Variants in GRM7 observed in about 807,000 individuals in gnomAD.
GRM7 encodes glutamate metabotropic receptor 7, also known as metabotropic glutamate receptor 7.
GRM7 carries 35 observed loss-of-function variants against 84.5 expected under a neutral mutation model. That is an observed-to-expected ratio of 0.41 (90% CI 0.32 to 0.55). The LOEUF (loss-of-function observed/expected upper bound fraction) is 0.55. Among genes scored for constraint, GRM7 ranks in the 20% least tolerant of loss-of-function variants. The pLI is 0.19. For missense variants in GRM7, 1,003 were observed against 1,194.6 expected, an observed-to-expected ratio of 0.84 and a Z score of 2.36; for synonymous variants, 487 against 455.1, an observed-to-expected ratio of 1.07 and a Z score of -0.89.
At chr3:7,570,134 T>C (rs1694572007) in intron 7 of GRM7, among the ~76,000 whole-genome samples, 1 of 152,162 alleles carries the variant, frequency 6.6e-6, no homozygotes, top group African/African-American at 2.4e-5. Context: ...ATGGAAATTG[T>C]GGGGTTTACA....
chr3:6,863,564 A>AT lies in GRM7; in HGVS notation c.519+1657_519+1658insT, dbSNP rs1487737345. 6.6e-6 allele frequency among the ~76,000 whole-genome samples: 1 copy of AT among 152,056 alleles called. No homozygotes were observed. Among genetic ancestry groups the AT allele is most frequent in the Non-Finnish European group, 1.5e-5 (1 of 68,008 alleles). ...AATCCTGGCAGGTCTGCAAACCCAA[A>AT]AGTGCTTCGGGGCTAGCCATCACTC... On this transcript the variant is annotated intron_variant, in intron 1 of 9. Transcript: ENST00000357716. This position sits in a 1 kb window ranked among gnomAD's most constrained non-coding sequence, Gnocchi z 4.8.
intron 1 of GRM7, among the ~76,000 whole-genome samples, chr3:6,934,031 A>G (rs891213981): frequency 1.3e-5 from 2 of 152,202 alleles, no homozygotes; most frequent in African/African-American, 4.8e-5. Flanking sequence ...GACAGTTCCA[A>G]TGTGTGACTG....
At chr3:6,875,953 G>A (rs927219507) in intron 1 of GRM7, among the ~76,000 whole-genome samples, 1 of 152,064 alleles carries the variant, frequency 6.6e-6, no homozygotes, top group Admixed American at 6.6e-5. Context: ...TTGATGGGAA[G>A]CTGGTAGGTT....
intron 4 of GRM7, among the ~76,000 whole-genome samples, chr3:7,370,421 CAT>C (rs1469872809): frequency 6.6e-6 from 1 of 152,118 alleles, no homozygotes; most frequent in Non-Finnish European, 1.5e-5. Context: ...ATAATTCCCA[CAT>C]GTTGTGTGAG....
chr3:7,015,819 G>A (rs1287473297), intron 1 of GRM7, among the ~76,000 whole-genome samples: 2 of 152,184 alleles, frequency 1.3e-5, no homozygotes, highest in African/African-American at 4.8e-5. Flanking sequence ...AGTGATGTAA[G>A]AGAGAGCAAG....
rs1553574704 is a variant in GRM7 at position 6,863,134 on chromosome 3, T to TTC, written c.519+1233_519+1234dup. On this transcript the variant is annotated intron_variant, in intron 1 of 9. Transcript: ENST00000357716. The surrounding 1 kb of genome is among the most constrained non-coding windows in gnomAD (Gnocchi z 4.8). ...TCTCTGTCTCCTTGCTGTTTTTTTT[T>TTC]TCTCTCTGTTTTTTCTCTCCTTTTC... is the stretch of plus-strand genomic sequence containing the variant. 4 of 332,910 alleles carry TTC rather than the reference T, an allele frequency of 1.2e-5. No individual in the cohort carries two copies. The highest frequency in any genetic ancestry group is 2.4e-5 in the Non-Finnish European group (4 of 169,378). The allele number at this position is 332,910 out of a possible 1,614,324, so 20.6% of individuals were successfully genotyped here.
chr3:7,032,032 G>T (rs189420652), intron 1 of GRM7, among the ~76,000 whole-genome samples: 2 of 152,276 alleles, frequency 1.3e-5, no homozygotes, highest in East Asian at 1.9e-4. Flanking sequence ...TCCAACGGAA[G>T]GATTTGTAGA....
At chr3:7,447,789 T>C (rs1006247876) in intron 5 of GRM7, among the ~76,000 whole-genome samples, 1 of 151,936 alleles carries the variant, frequency 6.6e-6, no homozygotes, top group Non-Finnish European at 1.5e-5. Flanking sequence ...AGGGTACATG[T>C]GCATAATGTG....
intron 8 of GRM7, chr3:7,591,496 G>A (rs115544063): frequency 9.0e-6 from 4 of 442,340 alleles, no homozygotes; most frequent in African/African-American, 8.1e-5. Context: ...TTTAGAATAT[G>A]AATAACTTTT....
At chr3:7,600,604 C>T (rs947338640) in intron 8 of GRM7, among the ~76,000 whole-genome samples, 1 of 152,120 alleles carries the variant, frequency 6.6e-6, no homozygotes, top group Non-Finnish European at 1.5e-5. Context: ...TGTTCTTCTC[C>T]TCCTCTCTGG....
intron 8 of GRM7, among the ~76,000 whole-genome samples, chr3:7,615,316 T>C (rs555846544): frequency 6.6e-6 from 1 of 152,248 alleles, no homozygotes; most frequent in African/African-American, 2.4e-5. Context: ...CCATTCCCAC[T>C]TTCAGTTTCT....
chr3:7,211,943 T>A (rs1017016571), intron 2 of GRM7, among the ~76,000 whole-genome samples: 3 of 151,654 alleles, frequency 2.0e-5, no homozygotes, highest in African/African-American at 7.3e-5. Context: ...CGTTTTTGTC[T>A]GGCACCTTTT....
intron 2 of GRM7, among the ~76,000 whole-genome samples, chr3:7,166,020 T>G (rs755037003): frequency 5.3e-5 from 8 of 152,214 alleles, no homozygotes; most frequent in Non-Finnish European, 1.0e-4. Context: ...CTTTTCTTTA[T>G]CTTACTATTA....
At chr3:6,876,931 C>T (rs1018299818) in intron 1 of GRM7, among the ~76,000 whole-genome samples, 9 of 152,076 alleles carry the variant, frequency 5.9e-5, no homozygotes, top group East Asian at 1.9e-4. Context: ...TGTAACCCTA[C>T]GAAGGTGACA....
intron 1 of GRM7, among the ~76,000 whole-genome samples, chr3:7,092,793 G>T (rs1472430332): frequency 2.6e-5 from 4 of 152,226 alleles, no homozygotes; most frequent in African/African-American, 9.6e-5. Context: ...AGACTTCAGA[G>T]AAATTACTGA....
chr3:7,161,351 G>A (rs1412383467), intron 2 of GRM7, among the ~76,000 whole-genome samples: 1 of 151,636 alleles, frequency 6.6e-6, no homozygotes, highest in African/African-American at 2.4e-5. Context: ...TTTGTGGCAT[G>A]GGTCAAATCG....
rs190437316 is a variant in GRM7, at chr3:6,953,951, T to A, written c.519+92044T>A. 2.8e-4 allele frequency among the ~76,000 whole-genome samples: 43 copies of A among 152,314 alleles called. No homozygotes were observed. The East Asian group carries it at 7.9e-3, about 28-fold the overall frequency. On this transcript the variant is annotated intron_variant, in intron 1 of 9. Transcript: ENST00000357716. Reference sequence around the variant, plus strand: ...AAGCAATTCATAATCAAAGCTCTTGTAATTATTAGTTAATGGTAGGATTTT... The same window carrying A: ...AAGCAATTCATAATCAAAGCTCTTGAAATTATTAGTTAATGGTAGGATTTT...
intron 2 of GRM7, among the ~76,000 whole-genome samples, chr3:7,162,468 A>G (rs1421443475): frequency 6.6e-6 from 1 of 152,158 alleles, no homozygotes; most frequent in East Asian, 1.9e-4. Context: ...AGAACTAATT[A>G]TTGAGCTTTG....
rs191493972 is a variant in GRM7, at chr3:7,601,794, C to G, written c.2451+22437C>G. Among the ~76,000 whole-genome samples, 19 of 152,038 alleles carry G rather than the reference C, an allele frequency of 1.2e-4. No homozygotes were observed. The East Asian group carries it at 3.3e-3, about 26-fold the overall frequency. On this transcript the variant is annotated intron_variant, in intron 8 of 9. Coordinates refer to ENST00000357716, the MANE Select transcript of GRM7 (RefSeq NM_000844.4). ...GTTTTGGTCTGATAGGAAAGAGAGA[C>G]CCTAACTCTCAAGCATGGGGAAATA...
Sources: gnomAD v4.1 joint callset for allele counts (sites outside exome capture counted in the v4.1 genomes callset) on GRCh38, gnomAD v4.1.1 for gene constraint, Gnocchi (gnomAD v3.1) non-coding constraint, MANE v1.5 for transcripts, NCBI Gene and HGNC (gene_info 2026-07-23, HGNC 2026-07-21) for gene names.